The following BCL2L1 variants were observed in gnomAD, a reference collection of about 807,000 sequenced individuals.
BCL2L1 encodes the protein BCL2 like 1.
BCL2L1 carries 1 observed loss-of-function variant against 18.7 expected under a neutral mutation model. That is an observed-to-expected ratio of 0.05 (90% CI 0.02 to 0.25). The LOEUF (loss-of-function observed/expected upper bound fraction) is 0.25, where lower values mean the gene tolerates loss of function less well. Ranked by LOEUF, BCL2L1 falls within the 10% of genes least tolerant of loss-of-function variation. The pLI, the probability that BCL2L1 is intolerant of heterozygous loss-of-function variation, is 1.00. For synonymous variants in BCL2L1, 103 were observed against 122.7 expected (o/e 0.84, Z 1.06); for missense variants, 207 against 304.9 (o/e 0.68, Z 2.39).
Position 31,721,975 on chromosome 20 carries a change from G to T in BCL2L1, c.244C>A (p.Pro82Thr). ...SSSLDAREVI[P>T]MAAVKQALRE... ...AGCGCTTGCTTTACTGCTGCCATGGGGATCACCTCCCGGGCATCCAAACTG... is the reference window on the plus strand; with the variant it reads ...AGCGCTTGCTTTACTGCTGCCATGGTGATCACCTCCCGGGCATCCAAACTG... The change falls in exon 2 of 3, where the codon CCC becomes ACC. Residue 82 changes from proline (P) to threonine (T), a missense_variant. By Grantham distance (38) the Pro-to-Thr change is conservative. Transcript: ENST00000307677. 3 of 1,614,170 alleles carry T rather than the reference G, an allele frequency of 1.9e-6. No homozygotes were observed. The highest frequency in any genetic ancestry group is 2.5e-6 in the Non-Finnish European group (3 of 1,180,030).
intron 2 of BCL2L1, among the ~76,000 whole-genome samples, chr20:31,689,453 A>G (rs1344846096): frequency 6.7e-6 from 1 of 150,332 alleles, no homozygotes; most frequent in African/African-American, 2.4e-5. Context: ...AAAAAGAAAG[A>G]AAGAAAATAA....
intron 2 of BCL2L1, among the ~76,000 whole-genome samples, chr20:31,691,134 C>T (rs2061062426): frequency 9.3e-6 from 1 of 107,928 alleles, no homozygotes; most frequent in Non-Finnish European, 1.7e-5. Flanking sequence ...GCCTGGGCAA[C>T]AGGGCGAGAC....
chr20:31,720,016 AAACC>A, intron 2 of BCL2L1: 1 of 889,664 alleles, frequency 1.1e-6, no homozygotes, highest in Non-Finnish European at 1.3e-6. Context: ...GTCACTGCAC[AAACC>A]AACAGGAACT....
At chr20:31,692,579 G>T (rs987278830) in intron 2 of BCL2L1, among the ~76,000 whole-genome samples, 1 of 151,954 alleles carries the variant, frequency 6.6e-6, no homozygotes, top group African/African-American at 2.4e-5. Flanking sequence ...TTTGAGACCA[G>T]CCTGGCCAAT....
rs184842622 is a variant in BCL2L1 at position 31,679,766 on chromosome 20, C to T, written c.565-13680G>A. Among the ~76,000 whole-genome samples the T allele has an allele frequency of 1.1e-3, 170 of 152,212 alleles. 1 individual carries two copies. The highest frequency in any genetic ancestry group is 2.0e-3 in the Non-Finnish European group (134 of 68,008). On this transcript the variant is annotated intron_variant, in intron 2 of 2. Transcript: ENST00000307677. Reference sequence around the variant, plus strand: ...GCAACCTCTGCCTCCTGGGTTCAAGCGATTCTTGTGCCTCAGCCTCCTGAG... The same window carrying T: ...GCAACCTCTGCCTCCTGGGTTCAAGTGATTCTTGTGCCTCAGCCTCCTGAG...
At chr20:31,666,167 C>A in intron 2 of BCL2L1, 81 bp from the exon 3 acceptor site, 1 of 1,521,200 alleles carries the variant, frequency 6.6e-7, no homozygotes, top group Non-Finnish European at 9.0e-7. Flanking sequence ...CATCTGCATG[C>A]TATGGCCTTG....
chr20:31,687,340 C>G (rs879368296), intron 2 of BCL2L1, among the ~76,000 whole-genome samples: 4 of 151,756 alleles, frequency 2.6e-5, no homozygotes, highest in Non-Finnish European at 4.4e-5. Flanking sequence ...CTCTCTATAG[C>G]AAGTGAAGCT....
chr20:31,666,162 G>A, intron 2 of BCL2L1, 76 bp from the exon 3 acceptor site: 20 of 1,529,968 alleles, frequency 1.3e-5, no homozygotes, highest in Non-Finnish European at 1.7e-5. Context: ...GGGGCCATCT[G>A]CATGCTATGG....
chr20:31,716,602 T>G (rs978753099), intron 2 of BCL2L1: 2 of 152,230 alleles, frequency 1.3e-5, no homozygotes, highest in African/African-American at 4.8e-5. Flanking sequence ...AGAAATTTAG[T>G]GGGTTTCTCT....
intron 2 of BCL2L1, among the ~76,000 whole-genome samples, chr20:31,674,218 GCA>G (rs1406785394): frequency 6.6e-6 from 1 of 152,086 alleles, no homozygotes; most frequent in Non-Finnish European, 1.5e-5. Context: ...CAGCAGCAGC[GCA>G]CACTTCCTGA....
chr20:31,689,066 G>A (rs1236792009), intron 2 of BCL2L1, among the ~76,000 whole-genome samples: 3 of 150,750 alleles, frequency 2.0e-5, no homozygotes, highest in African/African-American at 7.3e-5. Flanking sequence ...AAAATAATAG[G>A]GAAAGAAGAA....
At chr20:31,677,165 A>T (rs1345889416) in intron 2 of BCL2L1, among the ~76,000 whole-genome samples, 7 of 150,876 alleles carry the variant, frequency 4.6e-5, no homozygotes, top group East Asian at 1.9e-4. Flanking sequence ...AATGCGGATT[A>T]AAAAAATCCT....
intron 2 of BCL2L1, among the ~76,000 whole-genome samples, chr20:31,704,299 A>G (rs1322113940): frequency 6.7e-6 from 1 of 148,670 alleles, no homozygotes; most frequent in Non-Finnish European, 1.5e-5. Context: ...CGGGGTTTCC[A>G]CCACCTTAGC....
intron 2 of BCL2L1, among the ~76,000 whole-genome samples, chr20:31,679,128 CCA>C (rs1344400857): frequency 6.6e-6 from 1 of 152,134 alleles, no homozygotes; most frequent in East Asian, 1.9e-4. Context: ...CATTTCTGCC[CCA>C]GTCCATTACC....
At chr20:31,672,097 C>T (rs772985914) in intron 2 of BCL2L1, among the ~76,000 whole-genome samples, 6 of 149,772 alleles carry the variant, frequency 4.0e-5, no homozygotes, top group Non-Finnish European at 8.9e-5. Context: ...TACTGGGAAG[C>T]AGAGAGGATA....
chr20:31,702,590 C>T (rs1283348405), intron 2 of BCL2L1, among the ~76,000 whole-genome samples: 2 of 151,324 alleles, frequency 1.3e-5, no homozygotes, highest in African/African-American at 2.4e-5. Flanking sequence ...CTTGGCTCAA[C>T]ACAACCTCCG....
upstream of BCL2L1, chr20:31,723,942 C>G (rs1419758530): frequency 3.0e-6 from 3 of 985,354 alleles, no homozygotes; most frequent in Non-Finnish European, 3.6e-6. Context: ...CTTGCAAGCT[C>G]AGTCACTTCC....
chr20:31,678,195 G>T (rs2060795121), intron 2 of BCL2L1, among the ~76,000 whole-genome samples: 1 of 152,168 alleles, frequency 6.6e-6, no homozygotes, highest in Non-Finnish European at 1.5e-5. Context: ...GACCCCAAGT[G>T]CTCCATAGTC....
chr20:31,683,683 C>T (rs1335160653), intron 2 of BCL2L1, among the ~76,000 whole-genome samples: 9 of 142,262 alleles, frequency 6.3e-5, no homozygotes, highest in African/African-American at 1.5e-4. Context: ...GCAAAAGAAT[C>T]GCTTGAACCC....
Sources: allele counts gnomAD v4.1 joint callset (sites outside exome capture counted in the v4.1 genomes callset), GRCh38; gene constraint gnomAD v4.1.1; transcripts MANE v1.5; gene names NCBI Gene and HGNC (gene_info 2026-07-23, HGNC 2026-07-21).